The following DPYD variants were observed in gnomAD, a reference collection of about 807,000 sequenced individuals.
The protein encoded by DPYD is dihydropyrimidine dehydrogenase, also known as dihydropyrimidine dehydrogenase [NADP(+)].
A neutral mutation model predicts 116.2 loss-of-function variants in DPYD; 109 were observed. The observed-to-expected ratio is 0.94, with a 90% CI of 0.80 to 1.10. The LOEUF is 1.10. Among genes scored for constraint, DPYD ranks in the 50% least tolerant of loss-of-function variants. The probability of loss-of-function intolerance (pLI) is 0.00; values close to 1 mark genes in which losing one functional copy is unlikely to be tolerated. For synonymous variants in DPYD, 440 were observed against 432.0 expected (o/e 1.02, Z -0.23); for missense variants, 1,302 against 1,254.5 (o/e 1.04, Z -0.57).
At chr1:97,287,863 C>T (rs542533105) in intron 18 of DPYD, among the ~76,000 whole-genome samples, 55 of 152,084 alleles carry the variant, frequency 3.6e-4, no homozygotes, top group Admixed American at 7.2e-4. Flanking sequence ...AAGGGAACTC[C>T]CTAGCCCCTT....
At chr1:97,441,338 T>C (rs1675783995) in intron 14 of DPYD, among the ~76,000 whole-genome samples, 1 of 152,130 alleles carries the variant, frequency 6.6e-6, no homozygotes, top group African/African-American at 2.4e-5. Context: ...ATTACACATA[T>C]ATTAGGCCAC....
intron 20 of DPYD, among the ~76,000 whole-genome samples, chr1:97,186,555 A>C (rs1026060022): frequency 6.6e-6 from 1 of 152,166 alleles, no homozygotes; most frequent in Non-Finnish European, 1.5e-5. Context: ...TTTCACTTAA[A>C]ATAATGGCCT....
At chr1:97,689,919 C>T (rs370466288) in intron 7 of DPYD, among the ~76,000 whole-genome samples, 5 of 152,178 alleles carry the variant, frequency 3.3e-5, no homozygotes, top group African/African-American at 4.8e-5. Context: ...ATTTCCTTCA[C>T]ATCTTAAAAC....
intron 8 of DPYD, among the ~76,000 whole-genome samples, chr1:97,642,367 C>G (rs540234388): frequency 9.2e-5 from 14 of 152,202 alleles, no homozygotes; most frequent in Admixed American, 9.2e-4. Context: ...GTAACCAAAA[C>G]AGCATGGTAC....
At chr1:97,452,267 A>G (rs1676459072) in intron 13 of DPYD, among the ~76,000 whole-genome samples, 1 of 152,036 alleles carries the variant, frequency 6.6e-6, no homozygotes, top group Non-Finnish European at 1.5e-5. Context: ...TCTTACTACC[A>G]TTTATTGTGG....
intron 18 of DPYD, chr1:97,280,177 G>A (rs1475774093): frequency 6.6e-6 from 1 of 151,836 alleles, no homozygotes; most frequent in African/African-American, 2.4e-5. Context: ...ACTAAATTGA[G>A]GATGTCTTGA....
intron 3 of DPYD, among the ~76,000 whole-genome samples, chr1:97,772,173 A>C (rs886915279): frequency 1.3e-5 from 2 of 152,146 alleles, no homozygotes; most frequent in Non-Finnish European, 2.9e-5. Context: ...AGGAAAATGG[A>C]GAAAATAAGA....
At chr1:97,632,115 C>G (rs1278099316) in intron 8 of DPYD, among the ~76,000 whole-genome samples, 1 of 152,048 alleles carries the variant, frequency 6.6e-6, no homozygotes, top group Non-Finnish European at 1.5e-5. Flanking sequence ...CCCAGCATAT[C>G]AAGCAGGTTT....
At chr1:97,308,849 G>T (rs1189499294) in intron 16 of DPYD, among the ~76,000 whole-genome samples, 1 of 151,736 alleles carries the variant, frequency 6.6e-6, no homozygotes, top group Admixed American at 6.6e-5. Context: ...ATATACAAAA[G>T]TACTCTTATC....
chr1:97,731,670 G>C (rs1352740569), intron 4 of DPYD, among the ~76,000 whole-genome samples: 1 of 151,826 alleles, frequency 6.6e-6, no homozygotes, highest in Non-Finnish European at 1.5e-5. Context: ...GCTTTGCTGG[G>C]TTTCAAATTT....
chr1:97,580,483 AC>A, intron 10 of DPYD, among the ~76,000 whole-genome samples: 1 of 152,344 alleles, frequency 6.6e-6, no homozygotes, highest in African/African-American at 2.4e-5. Context: ...AATATTATGT[AC>A]AAAAATAGTG....
intron 13 of DPYD, among the ~76,000 whole-genome samples, chr1:97,466,271 A>C (rs147499436): frequency 1.1e-4 from 16 of 152,346 alleles, no homozygotes; most frequent in African/African-American, 3.6e-4. Flanking sequence ...TCTACAATCA[A>C]AATCTTCCTA....
At chr1:97,611,573 A>T (rs1655954913) in intron 8 of DPYD, among the ~76,000 whole-genome samples, 1 of 152,072 alleles carries the variant, frequency 6.6e-6, no homozygotes, top group South Asian at 2.1e-4. Flanking sequence ...TTAGTATTAA[A>T]TAACTTTTTC....
intron 12 of DPYD, among the ~76,000 whole-genome samples, chr1:97,547,916 T>C (rs2102077695): frequency 6.6e-6 from 1 of 152,214 alleles, no homozygotes; most frequent in South Asian, 2.1e-4. Context: ...AGTAGGCAGG[T>C]GAATCAAACT....
At chr1:97,449,093 C>A (rs1034884651) in intron 14 of DPYD, among the ~76,000 whole-genome samples, 1 of 151,862 alleles carries the variant, frequency 6.6e-6, no homozygotes, top group African/African-American at 2.4e-5. Flanking sequence ...CATGTGATTT[C>A]TATATTCCTT....
At chr1:97,531,006 T>C (rs768833030) in intron 12 of DPYD, among the ~76,000 whole-genome samples, 3 of 141,968 alleles carry the variant, frequency 2.1e-5, no homozygotes, top group African/African-American at 3.1e-5. Context: ...TTCTTATATT[T>C]TTTGGAAATT....
At chr1:97,617,677 G>A (rs891622279) in intron 8 of DPYD, among the ~76,000 whole-genome samples, 1 of 152,166 alleles carries the variant, frequency 6.6e-6, no homozygotes, top group South Asian at 2.1e-4. Flanking sequence ...CTGCTGACAG[G>A]CACTAGGTGG....
intron 12 of DPYD, among the ~76,000 whole-genome samples, chr1:97,518,179 A>C (rs1648368314): frequency 1.4e-5 from 2 of 141,544 alleles, no homozygotes; most frequent in Non-Finnish European, 3.1e-5. Context: ...AGCAAACAAT[A>C]ATAAAATACA....
chr1:97,567,505 T>A (rs1369814296), intron 11 of DPYD, among the ~76,000 whole-genome samples: 2 of 152,002 alleles, frequency 1.3e-5, no homozygotes, highest in Non-Finnish European at 2.9e-5. Flanking sequence ...GTACGTAAAT[T>A]CCTTTCCTAA....
Sources: gnomAD v4.1 joint callset for allele counts (sites outside exome capture counted in the v4.1 genomes callset) on GRCh38, gnomAD v4.1.1 for gene constraint, MANE v1.5 for transcripts, NCBI Gene and HGNC (gene_info 2026-07-23, HGNC 2026-07-21) for gene names.